PRKN: variants seen among roughly 807,000 people sequenced by gnomAD.
PRKN encodes parkin RBR E3 ubiquitin protein ligase, also known as E3 ubiquitin-protein ligase parkin.
PRKN carries 56 observed loss-of-function variants against 59.5 expected under a neutral mutation model. That is an observed-to-expected ratio of 0.94 (90% confidence interval 0.76 to 1.18). The LOEUF is 1.18. Among genes scored for constraint, PRKN ranks in the 50% most tolerant of loss-of-function variants. PRKN has a pLI of 0.00. For missense variants in PRKN, 657 were observed against 596.4 expected (o/e 1.10, Z -1.06); for synonymous variants, 250 against 222.1 (o/e 1.13, Z -1.12).
At chr6:162,650,822 A>C (rs751794151) in intron 1 of PRKN, among the ~76,000 whole-genome samples, 1 of 152,170 alleles carries the variant, frequency 6.6e-6, no homozygotes, top group Non-Finnish European at 1.5e-5. Context: ...GGGAACTCAC[A>C]GTGAAGATGA....
chr6:162,624,717 T>C (rs1403386646), intron 1 of PRKN: 1 of 152,196 alleles, frequency 6.6e-6, no homozygotes, highest in East Asian at 1.9e-4. Flanking sequence ...TGTTCGGTTT[T>C]TTGTAGAGAC....
chr6:162,229,219 T>C (rs1455384284), intron 3 of PRKN, among the ~76,000 whole-genome samples: 1 of 152,198 alleles, frequency 6.6e-6, no homozygotes, highest in Non-Finnish European at 1.5e-5. Flanking sequence ...CAAAACCTGC[T>C]TCTGCCTAGT....
At chr6:162,436,228 C>A (rs1175688436) in intron 2 of PRKN, among the ~76,000 whole-genome samples, 3 of 141,224 alleles carry the variant, frequency 2.1e-5, no homozygotes, top group African/African-American at 5.2e-5. Flanking sequence ...CCAAAAAAAA[C>A]CATGAAATTT....
intron 4 of PRKN, among the ~76,000 whole-genome samples, chr6:162,158,128 C>G (rs879670167): frequency 2.0e-5 from 3 of 151,920 alleles, no homozygotes; most frequent in Non-Finnish European, 4.4e-5. Context: ...AAATATAATA[C>G]AAGGCTGTTA....
intron 1 of PRKN, among the ~76,000 whole-genome samples, chr6:162,514,462 G>A (rs993597792): frequency 6.6e-6 from 1 of 152,158 alleles, no homozygotes; most frequent in Non-Finnish European, 1.5e-5. Flanking sequence ...CAACACAACT[G>A]GCTAGCTTTT....
intron 6 of PRKN, among the ~76,000 whole-genome samples, chr6:161,875,123 T>C (rs1467244958): frequency 1.6e-5 from 2 of 126,664 alleles, no homozygotes; most frequent in African/African-American, 3.6e-5. Context: ...ATATATAAAG[T>C]ATATATTATA....
rs75584010 is a variant in PRKN at position 161,960,915 on chromosome 6, T to C, written c.734+12387A>G. 4.2e-3 allele frequency among the ~76,000 whole-genome samples: 635 copies of C among 152,294 alleles called. 4 individuals carry two copies. Among genetic ancestry groups the C allele is most frequent in the African/African-American group, 0.014 (600 of 41,550 alleles). ...GAATATAGACACCAATGCAGGAATA[T>C]GTGTTATATTTGTGTGTAACCCTAA... On this transcript the variant is annotated intron_variant, in intron 6 of 11. Transcript: ENST00000366898.
intron 7 of PRKN, among the ~76,000 whole-genome samples, chr6:161,676,313 G>A (rs1442366107): frequency 6.6e-6 from 1 of 152,166 alleles, no homozygotes; most frequent in Non-Finnish European, 1.5e-5. Context: ...ATCTGATCTG[G>A]AGTTCAATAG....
At chr6:162,262,443 C>T (rs1272963785) in intron 3 of PRKN, 82 bp downstream of exon 3, 2 of 1,534,628 alleles carry the variant, frequency 1.3e-6, no homozygotes, top group East Asian at 2.2e-5. Flanking sequence ...ACTAAATATG[C>T]ACCCGGTGAG....
rs746918681 is a variant in PRKN, at chr6:161,444,057, A to G, written c.1084-57180T>C. Among the ~76,000 whole-genome samples, 5 of 152,192 alleles carry G rather than the reference A, an allele frequency of 3.3e-5. No homozygotes were observed. The highest frequency in any genetic ancestry group is 4.4e-5 in the Non-Finnish European group (3 of 68,032). On this transcript the variant is annotated intron_variant, in intron 9 of 11. Transcript: ENST00000366898. This position sits in a 1 kb window ranked among gnomAD's most constrained non-coding sequence, Gnocchi z 5.6. ...AGGCTTAGGCCTTAGGCAGACAAAG[A>G]GCAAAAGTGTGGGAGGCTGGGTGGG...
chr6:162,155,027 T>C (rs1160348129), intron 4 of PRKN, among the ~76,000 whole-genome samples: 1 of 150,476 alleles, frequency 6.6e-6, no homozygotes, highest in African/African-American at 2.4e-5. Flanking sequence ...AGATAATTTA[T>C]GTACTTTTCA....
chr6:162,381,486 A>G (rs1252906544), intron 2 of PRKN, among the ~76,000 whole-genome samples: 3 of 152,160 alleles, frequency 2.0e-5, no homozygotes, highest in Non-Finnish European at 4.4e-5. Context: ...TTTGTGTGTA[A>G]CTTAATTACA....
chr6:161,511,255 T>C lies in PRKN; in HGVS notation c.1083+37599A>G, dbSNP rs1174435012. 2.0e-5 allele frequency among the ~76,000 whole-genome samples: 3 copies of C among 152,218 alleles called. No homozygotes were observed. In the East Asian group the frequency reaches 5.8e-4, roughly 29 times the overall value. ...TGCAGGAGCAGTTCAATTTGTCAGA[T>C]TGGAAATATGATGTAAGTTTAAAAA... On this transcript the variant is annotated intron_variant, in intron 9 of 11. Transcript: ENST00000366898.
At position 162,701,588 on chromosome 6, in the gene PRKN, C is replaced by T. The variant is rs180678980; in HGVS notation, c.7+26074G>A. Among the ~76,000 whole-genome samples the T allele has an allele frequency of 2.0e-5, 3 of 151,906 alleles. No individual in the cohort carries two copies. The East Asian group carries it at 5.8e-4, about 29-fold the overall frequency. On this transcript the variant is annotated intron_variant, in intron 1 of 11. Coordinates refer to ENST00000366898, the MANE Select transcript of PRKN (RefSeq NM_004562.3). Reference sequence around the variant, plus strand: ...ATTAAAAAAATACAAGTCCAGCACACCTGTTCACCAATCAAAATACCTAGG... The same window carrying T: ...ATTAAAAAAATACAAGTCCAGCACATCTGTTCACCAATCAAAATACCTAGG...
At chr6:162,432,520 G>A (rs982875009) in intron 2 of PRKN, among the ~76,000 whole-genome samples, 1 of 148,082 alleles carries the variant, frequency 6.8e-6, no homozygotes, top group African/African-American at 2.6e-5. Context: ...GCGAGACACC[G>A]TCTAAAACAA....
At chr6:161,394,975 G>A (rs995868161) in intron 9 of PRKN, among the ~76,000 whole-genome samples, 4 of 151,992 alleles carry the variant, frequency 2.6e-5, no homozygotes, top group Non-Finnish European at 4.4e-5. Context: ...CTTTAAGAGC[G>A]TTACTGAAAT....
intron 3 of PRKN, among the ~76,000 whole-genome samples, chr6:162,220,867 A>G (rs1777898217): frequency 6.6e-6 from 1 of 152,250 alleles, no homozygotes; most frequent in South Asian, 2.1e-4. Flanking sequence ...ATAGAGACTA[A>G]GTTCCCAATA....
chr6:161,795,838 G>A (rs953932107), intron 6 of PRKN, among the ~76,000 whole-genome samples: 2 of 152,122 alleles, frequency 1.3e-5, no homozygotes, highest in Non-Finnish European at 2.9e-5. Flanking sequence ...AAACTATAGG[G>A]AAGTGGGAAA....
intron 6 of PRKN, among the ~76,000 whole-genome samples, chr6:161,872,304 G>A (rs770214154): frequency 6.6e-6 from 1 of 152,074 alleles, no homozygotes; most frequent in African/African-American, 2.4e-5. Flanking sequence ...TGAGCCATAA[G>A]CCATTGAGTA....
Sources: gnomAD v4.1 joint callset for allele counts (sites outside exome capture counted in the v4.1 genomes callset) on GRCh38, gnomAD v4.1.1 for gene constraint, Gnocchi (gnomAD v3.1) non-coding constraint, MANE v1.5 for transcripts, NCBI Gene and HGNC (gene_info 2026-07-23, HGNC 2026-07-21) for gene names.